Variants in CA10 observed in about 807,000 individuals in gnomAD.
CA10 encodes carbonic anhydrase-related protein 10.
In CA10, 14 loss-of-function variants were observed where a neutral mutation model predicts 44.2. The observed-to-expected ratio is 0.32, with a 90% CI of 0.21 to 0.50. The LOEUF (loss-of-function observed/expected upper bound fraction) is 0.50, where lower values mean the gene tolerates loss of function less well. Among genes scored for constraint, CA10 ranks in the 20% least tolerant of loss-of-function variants. The pLI is 0.99. For missense variants in CA10, 350 were observed against 409.7 expected, an observed-to-expected ratio of 0.85 and a Z score of 1.26; for synonymous variants, 159 against 141.6, an observed-to-expected ratio of 1.12 and a Z score of -0.87.
At chr17:51,976,626 T>A (rs1284769436) in intron 2 of CA10, among the ~76,000 whole-genome samples, 3 of 151,950 alleles carry the variant, frequency 2.0e-5, no homozygotes, top group Admixed American at 2.0e-4. Context: ...AAATTTATAG[T>A]GTTACATGTC....
intron 1 of CA10, among the ~76,000 whole-genome samples, chr17:52,105,920 T>C (rs941732765): frequency 1.3e-5 from 2 of 152,186 alleles, no homozygotes; most frequent in African/African-American, 2.4e-5. Flanking sequence ...GAAAAGTGTT[T>C]AGTAGAGCCC....
At chr17:52,128,064 C>G (rs1022306273) in intron 1 of CA10, among the ~76,000 whole-genome samples, 1 of 152,180 alleles carries the variant, frequency 6.6e-6, no homozygotes, top group Non-Finnish European at 1.5e-5. Flanking sequence ...GACATAAGGG[C>G]TATTAAGACA....
chr17:51,821,108 C>T (rs1954675975), intron 3 of CA10, among the ~76,000 whole-genome samples: 1 of 118,382 alleles, frequency 8.4e-6, no homozygotes, highest in East Asian at 3.0e-4. Flanking sequence ...TTCCTTCCTT[C>T]CTTTCCTTCC....
chr17:51,835,215 A>C (rs1264408905), intron 3 of CA10, among the ~76,000 whole-genome samples: 2 of 152,188 alleles, frequency 1.3e-5, no homozygotes, highest in African/African-American at 2.4e-5. Flanking sequence ...CCACTGGAAG[A>C]GTTAAGAGTT....
chr17:51,995,171 G>T (rs1985187998), intron 2 of CA10, among the ~76,000 whole-genome samples: 1 of 151,928 alleles, frequency 6.6e-6, no homozygotes, highest in Non-Finnish European at 1.5e-5. Flanking sequence ...TATCACAGAG[G>T]AGTAAAACCA....
chr17:51,900,801 G>T (rs148457870), intron 3 of CA10, among the ~76,000 whole-genome samples: 1 of 152,092 alleles, frequency 6.6e-6, no homozygotes. Flanking sequence ...GGTCAATTCT[G>T]CTGTTAATAC....
intron 1 of CA10, among the ~76,000 whole-genome samples, chr17:52,126,471 G>A (rs1989122475): frequency 6.6e-6 from 1 of 152,204 alleles, no homozygotes; most frequent in Non-Finnish European, 1.5e-5. Context: ...TCATCTGAAT[G>A]TTTGGTTAAC....
At chr17:51,940,683 A>C (rs80306169) in intron 2 of CA10, among the ~76,000 whole-genome samples, 2,069 of 151,732 alleles carry the variant, frequency 0.014, 37 homozygotes, top group African/African-American at 0.047. Context: ...GATAAACAAA[A>C]AAAAAAAAAA....
At chr17:51,994,771 G>GT (rs1276397369) in intron 2 of CA10, among the ~76,000 whole-genome samples, 2 of 151,934 alleles carry the variant, frequency 1.3e-5, no homozygotes. Context: ...TTAATCAAAA[G>GT]TTACTCAAGT....
At chr17:52,136,427 TGA>T (rs1989360204) in intron 1 of CA10, among the ~76,000 whole-genome samples, 1 of 152,156 alleles carries the variant, frequency 6.6e-6, no homozygotes, top group Non-Finnish European at 1.5e-5. Context: ...ACAGGACGGC[TGA>T]GAGGTAATTC....
intron 2 of CA10, among the ~76,000 whole-genome samples, chr17:51,949,794 T>C (rs1270345308): frequency 3.3e-5 from 5 of 152,156 alleles, no homozygotes; most frequent in African/African-American, 1.2e-4. Flanking sequence ...TCTGTGAAGA[T>C]GGACATTGGA....
At chr17:52,042,152 G>GT (rs997199727) in intron 2 of CA10, among the ~76,000 whole-genome samples, 2 of 151,976 alleles carry the variant, frequency 1.3e-5, no homozygotes, top group Non-Finnish European at 2.9e-5. Flanking sequence ...CAATTTTAAA[G>GT]TTTTTTGAGG....
At chr17:52,016,649 A>G (rs111335115) in intron 2 of CA10, among the ~76,000 whole-genome samples, 3,221 of 152,224 alleles carry the variant, frequency 0.021, 107 homozygotes, top group African/African-American at 0.071. Flanking sequence ...GTGGTGGCTC[A>G]AACTTGTAAT....
At chr17:51,764,309 G>T in intron 3 of CA10, among the ~76,000 whole-genome samples, 1 of 152,154 alleles carries the variant, frequency 6.6e-6, no homozygotes, top group East Asian at 1.9e-4. Context: ...AAAGTCCTTT[G>T]AAACCCCACA....
intron 1 of CA10, among the ~76,000 whole-genome samples, chr17:52,105,501 C>T (rs1463245945): frequency 6.6e-6 from 1 of 152,158 alleles, no homozygotes; most frequent in Non-Finnish European, 1.5e-5. Context: ...GTGATCTGCC[C>T]GCCCTGGCCT....
intron 1 of CA10, among the ~76,000 whole-genome samples, chr17:52,103,252 T>C (rs1049970561): frequency 6.6e-6 from 1 of 152,206 alleles, no homozygotes; most frequent in African/African-American, 2.4e-5. Context: ...ATTGTTTTCT[T>C]TCTTTGGGAA....
chr17:51,822,057 C>G (rs2143765205), intron 3 of CA10, among the ~76,000 whole-genome samples: 1 of 152,266 alleles, frequency 6.6e-6, no homozygotes. Flanking sequence ...CTGGCCTAGA[C>G]TATCCTTTCT....
chr17:51,816,558 T>C (rs905371146), intron 3 of CA10, among the ~76,000 whole-genome samples: 1 of 152,210 alleles, frequency 6.6e-6, no homozygotes, highest in Admixed American at 6.5e-5. Flanking sequence ...TTTTTTTCAT[T>C]ATGAATGTAA....
chr17:51,849,198 C>CAT, intron 3 of CA10, among the ~76,000 whole-genome samples: 1 of 24,732 alleles, frequency 4.0e-5, no homozygotes, highest in Non-Finnish European at 6.8e-5. Flanking sequence ...TATATATATA[C>CAT]ATATATGTAT....
Sources: gnomAD v4.1 joint callset for allele counts (sites outside exome capture counted in the v4.1 genomes callset) on GRCh38, gnomAD v4.1.1 for gene constraint, MANE v1.5 for transcripts, NCBI Gene and HGNC (gene_info 2026-07-23, HGNC 2026-07-21) for gene names.